The following TTLL7 variants were observed in gnomAD, a reference collection of about 807,000 sequenced individuals.
TTLL7 encodes tubulin tyrosine ligase like 7, also known as tubulin polyglutamylase TTLL7.
TTLL7 carries 53 observed loss-of-function variants against 120.2 expected under a neutral mutation model. That is an observed-to-expected ratio of 0.44 (90% CI 0.35 to 0.55). TTLL7 has a LOEUF of 0.55. TTLL7 is among the 20% of genes least tolerant of loss of function. TTLL7 has a pLI of 0.00. For missense variants in TTLL7, 803 were observed against 1,054.7 expected (o/e 0.76, Z 3.31); for synonymous variants, 353 against 351.7 (o/e 1.00, Z -0.04).
At chr1:83,947,557 G>A in intron 5 of TTLL7, 2 of 295,246 alleles carry the variant, frequency 6.8e-6, no homozygotes, top group Non-Finnish European at 1.2e-5. Context: ...TTTTTTTAGA[G>A]TACACACTCT....
At chr1:83,931,213 T>G (rs985478989) in intron 9 of TTLL7, among the ~76,000 whole-genome samples, 3 of 151,988 alleles carry the variant, frequency 2.0e-5, no homozygotes. Flanking sequence ...AGCTTGTAAA[T>G]GCATTAAGAA....
intron 18 of TTLL7, among the ~76,000 whole-genome samples, chr1:83,903,706 A>G (rs1656933467): frequency 6.6e-6 from 1 of 152,014 alleles, no homozygotes; most frequent in Non-Finnish European, 1.5e-5. Context: ...AAAAGTCTGT[A>G]TATGTTCAGT....
At chr1:83,905,423 C>T (rs150667078) in intron 17 of TTLL7, among the ~76,000 whole-genome samples, 1 of 151,592 alleles carries the variant, frequency 6.6e-6, no homozygotes, top group Non-Finnish European at 1.5e-5. Context: ...ACACTTACTT[C>T]AGACAGGTCT....
chr1:83,888,096 C>T (rs1296235723), intron 19 of TTLL7, among the ~76,000 whole-genome samples: 1 of 151,960 alleles, frequency 6.6e-6, no homozygotes, highest in African/African-American at 2.4e-5. Flanking sequence ...GGAAGCACCA[C>T]TTCATGGGTA....
Position 83,992,897 on chromosome 1 carries a change from T to C in TTLL7, c.-177+6034A>G, listed in dbSNP as rs767260905. Among the ~76,000 whole-genome samples the C allele has an allele frequency of 7.0e-4, 105 of 149,490 alleles. 1 individual carries two copies. The highest frequency in any genetic ancestry group is 2.3e-3 in the Admixed American group (34 of 14,672). ...ACTGCAGACTGACTGGTTCCAAATA[T>C]AGACTAAGATGTGTGCTAAAATTAC... On this transcript the variant is annotated intron_variant, in intron 1 of 20. Transcript: ENST00000260505.
At chr1:83,972,032 T>C (rs907401485) in intron 1 of TTLL7, among the ~76,000 whole-genome samples, 1 of 151,972 alleles carries the variant, frequency 6.6e-6, no homozygotes, top group Admixed American at 6.6e-5. Context: ...CCCTGCCACA[T>C]ACACACATAC....
chr1:83,951,576 T>C (rs376749610), intron 3 of TTLL7, among the ~76,000 whole-genome samples: 33 of 152,272 alleles, frequency 2.2e-4, no homozygotes, highest in African/African-American at 7.0e-4. Flanking sequence ...AAAAATACAA[T>C]GCCAAGTCCC....
At chr1:83,908,868 A>G (rs140768421) in intron 15 of TTLL7, among the ~76,000 whole-genome samples, 76 of 152,184 alleles carry the variant, frequency 5.0e-4, no homozygotes, top group African/African-American at 1.8e-3. Context: ...TTAGGGATGT[A>G]CTTCTAAATT....
intron 1 of TTLL7, among the ~76,000 whole-genome samples, chr1:83,958,192 A>G (rs1271524187): frequency 6.6e-6 from 1 of 152,210 alleles, no homozygotes; most frequent in Non-Finnish European, 1.5e-5. Context: ...CCTAAAAGAT[A>G]GATTATTATC....
At chr1:83,878,381 C>G (rs1467168834) in intron 20 of TTLL7, among the ~76,000 whole-genome samples, 1 of 151,856 alleles carries the variant, frequency 6.6e-6, no homozygotes, top group East Asian at 1.9e-4. Context: ...AAATCTTCCT[C>G]TATGGTTGTA....
chr1:83,870,272 A>G (rs1653242998), intron 20 of TTLL7, among the ~76,000 whole-genome samples, 190 bp from the exon 21 acceptor site: 1 of 152,242 alleles, frequency 6.6e-6, no homozygotes, highest in Non-Finnish European at 1.5e-5. Context: ...GATGCAATAT[A>G]TGATGTTAGC....
intron 20 of TTLL7, among the ~76,000 whole-genome samples, chr1:83,873,656 A>G (rs1003270058): frequency 6.6e-6 from 1 of 152,116 alleles, no homozygotes; most frequent in African/African-American, 2.4e-5. Flanking sequence ...ACATCTTTAC[A>G]TAACCATTAT....
At chr1:83,994,797 A>G (rs1024556662) in intron 1 of TTLL7, among the ~76,000 whole-genome samples, 1 of 152,194 alleles carries the variant, frequency 6.6e-6, no homozygotes, top group African/African-American at 2.4e-5. Context: ...AATTCCCCAA[A>G]TTAGAGTGCA....
At chr1:83,967,594 C>T (rs1650586914) in intron 1 of TTLL7, among the ~76,000 whole-genome samples, 1 of 152,048 alleles carries the variant, frequency 6.6e-6, no homozygotes, top group Admixed American at 6.6e-5. Flanking sequence ...CAACAATCTG[C>T]ATGGTAACTG....
chr1:83,932,539 T>G (rs1217390652), intron 9 of TTLL7, among the ~76,000 whole-genome samples: 2 of 151,098 alleles, frequency 1.3e-5, no homozygotes, highest in Non-Finnish European at 3.0e-5. Flanking sequence ...TGTTACTGTT[T>G]AAAGTAGATG....
intron 6 of TTLL7, among the ~76,000 whole-genome samples, chr1:83,946,604 C>T (rs12129276): frequency 0.042 from 6,346 of 152,220 alleles, 156 homozygotes; most frequent in Middle Eastern, 0.099. Context: ...TTAACATGTC[C>T]AGCTCTTGGA....
intron 14 of TTLL7, 133 bp from the exon 15 acceptor site, chr1:83,911,496 T>C: frequency 1.4e-6 from 1 of 699,138 alleles, no homozygotes; most frequent in South Asian, 1.9e-5. Flanking sequence ...CCAAATACTA[T>C]TGCTGCCATG....
chr1:83,912,001 T>C (rs1292393323), intron 14 of TTLL7, among the ~76,000 whole-genome samples: 1 of 152,150 alleles, frequency 6.6e-6, no homozygotes, highest in Non-Finnish European at 1.5e-5. Flanking sequence ...TGGATATTTA[T>C]AAAAATAAAA....
chr1:83,900,094 T>C (rs1164558498), intron 18 of TTLL7: 1 of 410,218 alleles, frequency 2.4e-6, no homozygotes, highest in Non-Finnish European at 4.8e-6. Flanking sequence ...ACACATGTCA[T>C]TTAATCATCC....
Sources: allele counts gnomAD v4.1 joint callset (sites outside exome capture counted in the v4.1 genomes callset), GRCh38; gene constraint gnomAD v4.1.1; transcripts MANE v1.5; gene names NCBI Gene and HGNC (gene_info 2026-07-23, HGNC 2026-07-21).